RGS17: variants seen among roughly 807,000 people sequenced by gnomAD.
RGS17 encodes the protein regulator of G protein signaling 17, also known as regulator of G-protein signaling 17.
In RGS17, 12 loss-of-function variants were observed where a neutral mutation model predicts 25.5. That is an observed-to-expected ratio of 0.47 (90% CI 0.30 to 0.76). The LOEUF (loss-of-function observed/expected upper bound fraction) is 0.76. Ranked by LOEUF, RGS17 falls within the 30% of genes least tolerant of loss-of-function variation. RGS17 has a pLI of 0.07. For synonymous variants in RGS17, 71 were observed against 76.9 expected (o/e 0.92, Z 0.40); for missense variants, 196 against 242.2 (o/e 0.81, Z 1.27).
Position 153,024,451 on chromosome 6 carries a change from A to C in RGS17, c.255T>G (p.Phe85Leu), listed in dbSNP as rs1230628041. The C allele has an allele frequency of 6.2e-7, 1 of 1,614,060 alleles. No homozygotes were observed. The highest frequency in any genetic ancestry group is 8.5e-7 in the Non-Finnish European group (1 of 1,180,020). ...AEEVLSWSQN[F>L]DKMMKAPAGR... Reference sequence around the variant, plus strand: ...CTGCTGGGGCCTTCATCATCTTGTCAAAATTTTGAGACCAGGACAAGACTT... The same window carrying C: ...CTGCTGGGGCCTTCATCATCTTGTCCAAATTTTGAGACCAGGACAAGACTT... Residue 85 changes from phenylalanine to leucine, a missense_variant, in exon 4 of 5, where the codon TTT becomes TTG. Physicochemically the swap from Phe to Leu is conservative, Grantham distance 22 (BLOSUM62 0). This residue lies in a region of RGS17 where 179 missense variants were observed against 197.6 expected (regional missense o/e 0.91). Transcript: ENST00000206262.
chr6:153,102,927 T>C (rs1777326042), intron 1 of RGS17, among the ~76,000 whole-genome samples: 1 of 152,228 alleles, frequency 6.6e-6, no homozygotes, highest in Non-Finnish European at 1.5e-5. Flanking sequence ...GTTGGTAGAC[T>C]CTCAGCCATA....
chr6:153,074,208 A>AT (rs1477962053), intron 1 of RGS17, among the ~76,000 whole-genome samples: 1 of 152,116 alleles, frequency 6.6e-6, no homozygotes, highest in Non-Finnish European at 1.5e-5. Flanking sequence ...AACTTACACA[A>AT]TTTTTTTACA....
intron 1 of RGS17, among the ~76,000 whole-genome samples, chr6:153,116,579 T>C (rs1239347185): frequency 6.6e-6 from 1 of 152,162 alleles, no homozygotes; most frequent in Non-Finnish European, 1.5e-5. Context: ...ACTGGGTATA[T>C]ACCAAAAGGA....
At chr6:153,063,623 G>T (rs986475747) in intron 1 of RGS17, among the ~76,000 whole-genome samples, 17 of 152,152 alleles carry the variant, frequency 1.1e-4, no homozygotes, top group Non-Finnish European at 2.1e-4. Context: ...TCTAAGAGTT[G>T]TTGGCCTTAG....
Position 153,027,539 on chromosome 6 carries a change from T to C in RGS17, c.120-996A>G, listed in dbSNP as rs567034726. Among the ~76,000 whole-genome samples, 137 of 152,300 alleles carry C rather than the reference T, an allele frequency of 9.0e-4. 2 individuals are homozygous for C. Among genetic ancestry groups the C allele is most frequent in the Admixed American group, 3.8e-3 (58 of 15,294 alleles). On this transcript the variant is annotated intron_variant, in intron 2 of 4. Transcript: ENST00000206262. ...AGAAGTTCAGATAACATCTCTCATT[T>C]GTTCCTTCTTTCACTTACTTACTCA... is the stretch of plus-strand genomic sequence containing the variant.
intron 1 of RGS17, among the ~76,000 whole-genome samples, chr6:153,117,321 C>T (rs1051596740): frequency 7.9e-5 from 12 of 152,068 alleles, no homozygotes; most frequent in Admixed American, 2.0e-4. Flanking sequence ...ATCATGAAAA[C>T]AGCATGGGGA....
At chr6:153,128,944 A>G (rs970493301) in intron 1 of RGS17, among the ~76,000 whole-genome samples, 3 of 152,190 alleles carry the variant, frequency 2.0e-5, no homozygotes, top group African/African-American at 4.8e-5. Context: ...GCGGAACTAT[A>G]GCAAAAAGGG....
chr6:153,116,338 G>A (rs562465232), intron 1 of RGS17, among the ~76,000 whole-genome samples: 14 of 152,274 alleles, frequency 9.2e-5, no homozygotes, highest in Admixed American at 2.6e-4. Context: ...ATCATCACTG[G>A]TCATTAGAGA....
chr6:153,105,458 A>G (rs929596646), intron 1 of RGS17, among the ~76,000 whole-genome samples: 1 of 152,200 alleles, frequency 6.6e-6, no homozygotes, highest in Non-Finnish European at 1.5e-5. Context: ...AATAAAAAAT[A>G]AAAAGATGAT....
chr6:153,074,112 A>T (rs1198198221), intron 1 of RGS17, among the ~76,000 whole-genome samples: 1 of 152,188 alleles, frequency 6.6e-6, no homozygotes, highest in African/African-American at 2.4e-5. Context: ...TATAAAAACA[A>T]GATTGTTTTC....
intron 1 of RGS17, among the ~76,000 whole-genome samples, chr6:153,069,468 T>A (rs549554181): frequency 6.6e-6 from 1 of 150,946 alleles, no homozygotes; most frequent in South Asian, 2.1e-4. Context: ...GGTATTGGGG[T>A]GTGGGGTGGG....
intron 1 of RGS17, among the ~76,000 whole-genome samples, chr6:153,110,975 C>T (rs1562336997): frequency 6.6e-6 from 1 of 152,156 alleles, no homozygotes; most frequent in African/African-American, 2.4e-5. Flanking sequence ...GCCTACACCA[C>T]CAGGGCCCTG....
At chr6:153,075,830 G>T (rs531639236) in intron 1 of RGS17, among the ~76,000 whole-genome samples, 3 of 152,298 alleles carry the variant, frequency 2.0e-5, no homozygotes, top group South Asian at 2.1e-4. Flanking sequence ...AAAAGTTTTT[G>T]TGTGTGTATA....
At chr6:153,101,853 C>T (rs1320699270) in intron 1 of RGS17, among the ~76,000 whole-genome samples, 2 of 152,116 alleles carry the variant, frequency 1.3e-5, no homozygotes, top group Admixed American at 1.3e-4. Flanking sequence ...TCACCTTCTG[C>T]CATGATTATA....
chr6:153,086,689 C>A (rs778708945), intron 1 of RGS17, among the ~76,000 whole-genome samples: 21 of 152,296 alleles, frequency 1.4e-4, no homozygotes, highest in Non-Finnish European at 2.5e-4. Flanking sequence ...CTAACTCCAT[C>A]ATATAGAGGA....
chr6:153,107,067 T>C (rs1777395318), intron 1 of RGS17, among the ~76,000 whole-genome samples: 1 of 151,338 alleles, frequency 6.6e-6, no homozygotes, highest in Non-Finnish European at 1.5e-5. Context: ...GCATGGTGGC[T>C]CACGCCTGTA....
rs1779276027 is a variant in RGS17, at chr6:153,024,265, T to A, written c.441A>T (p.Lys147Asn). 1 of 1,601,794 alleles carries A rather than the reference T, an allele frequency of 6.2e-7. No individual in the cohort carries two copies. Among genetic ancestry groups the A allele is most frequent in the Non-Finnish European group, 8.5e-7 (1 of 1,170,254 alleles). ...TCAATGTTTTCCAGATTTTTACCTC[T>A]TTTGGTGATAGTATAGAAATGTAAT... ...YEDYISILSP[K>N]EVSLDSRVRE... The change falls in exon 4 of 5, where the codon AAA becomes AAT. Residue 147 changes from lysine (K) to asparagine (N), a missense_variant. Lys to Asn is a moderately conservative substitution (Grantham distance 94, BLOSUM62 0). Coordinates refer to ENST00000206262, the MANE Select transcript of RGS17 (RefSeq NM_012419.5).
chr6:153,112,318 A>G (rs955160035), intron 1 of RGS17, among the ~76,000 whole-genome samples: 1 of 152,234 alleles, frequency 6.6e-6, no homozygotes, highest in Non-Finnish European at 1.5e-5. Context: ...CGAAGAAAGG[A>G]TATCAGAGAT....
In RGS17 at chr6:153,004,738, A is replaced by G. The variant is rs1338087878; in HGVS notation, c.*6836T>C. ...TAAAATTGATTCTAGGAAGGGGGAA[A>G]AAAAAACCCAGAAAAACTTAAATTG... On this transcript the variant is annotated 3_prime_UTR_variant, in exon 5 of 5. Transcript: ENST00000206262. 1 of 152,178 alleles carries G rather than the reference A, an allele frequency of 6.6e-6. No homozygotes were observed. Among genetic ancestry groups the G allele is most frequent in the Non-Finnish European group, 1.5e-5 (1 of 67,992 alleles). 9.4% of individuals were successfully genotyped at this position (152,178 alleles called of 1,614,324 possible).
Sources: gnomAD v4.1 joint callset for allele counts (sites outside exome capture counted in the v4.1 genomes callset) on GRCh38, gnomAD v4.1.1 for gene constraint, gnomAD v4.1.1 regional missense constraint, MANE v1.5 for transcripts, NCBI Gene and HGNC (gene_info 2026-07-23, HGNC 2026-07-21) for gene names.